The following HORMAD2 variants were observed in gnomAD, a reference collection of about 807,000 sequenced individuals.
HORMAD2 encodes the protein HORMA domain containing 2.
Under a neutral mutation model 38.8 loss-of-function variants are expected in HORMAD2, and 45 were observed. The ratio of observed to expected loss-of-function variants is 1.16; its 90% CI spans 0.91 to 1.49. The LOEUF is 1.49. Among genes scored for constraint, HORMAD2 ranks in the 40% most tolerant of loss-of-function variants. The pLI is 0.00. For missense variants in HORMAD2, 338 were observed against 367.0 expected (o/e 0.92, Z 0.65); for synonymous variants, 126 against 122.8 (o/e 1.03, Z -0.17).
upstream of HORMAD2, among the ~76,000 whole-genome samples, chr22:30,079,144 A>G (rs1301744550): frequency 6.6e-6 from 1 of 152,162 alleles, no homozygotes; most frequent in Non-Finnish European, 1.5e-5. Context: ...TGCAGAAACA[A>G]AATAAGAACA....
chr22:30,133,079 G>A (rs1022669097), intron 10 of HORMAD2, among the ~76,000 whole-genome samples: 1 of 151,998 alleles, frequency 6.6e-6, no homozygotes, highest in South Asian at 2.1e-4. Flanking sequence ...GAAATATTAG[G>A]TTTCATTTAA....
chr22:30,112,431 G>T, intron 6 of HORMAD2, 65 bp from the exon 7 acceptor site: 1 of 760,182 alleles, frequency 1.3e-6, no homozygotes, highest in Non-Finnish European at 2.2e-6. Flanking sequence ...TATAAAAAAG[G>T]TATTTGATGA....
intron 10 of HORMAD2, 104 bp from the exon 11 acceptor site, chr22:30,175,959 T>C: frequency 1.3e-6 from 1 of 742,002 alleles, no homozygotes; most frequent in Non-Finnish European, 2.3e-6. Flanking sequence ...TTGGATCCGT[T>C]ATGCAGCTTG....
At chr22:30,141,871 A>C (rs1924099586) in intron 10 of HORMAD2, among the ~76,000 whole-genome samples, 1 of 152,150 alleles carries the variant, frequency 6.6e-6, no homozygotes, top group South Asian at 2.1e-4. Context: ...CTGAGATTAC[A>C]AGTGTGAGCC....
At chr22:30,093,877 T>G (rs928644101) in intron 1 of HORMAD2, 39 bp from the exon 2 acceptor site, 3 of 1,007,116 alleles carry the variant, frequency 3.0e-6, no homozygotes, top group Non-Finnish European at 4.4e-6. Context: ...AAGCATTATA[T>G]TTGGCAAGGT....
intron 1 of HORMAD2, among the ~76,000 whole-genome samples, chr22:30,088,216 C>CCTATGTAT (rs1247279851): frequency 2.0e-5 from 3 of 146,382 alleles, no homozygotes; most frequent in African/African-American, 7.9e-5. Flanking sequence ...TACATATATA[C>CCTATGTAT]ACATATATAC....
intron 10 of HORMAD2, among the ~76,000 whole-genome samples, chr22:30,144,830 C>T (rs1924313898): frequency 6.6e-6 from 1 of 152,056 alleles, no homozygotes; most frequent in African/African-American, 2.4e-5. Flanking sequence ...CATGAGCCCC[C>T]ACCTCATGGC....
At chr22:30,157,068 A>G (rs1023011198) in intron 10 of HORMAD2, among the ~76,000 whole-genome samples, 1 of 152,194 alleles carries the variant, frequency 6.6e-6, no homozygotes, top group Non-Finnish European at 1.5e-5. Context: ...GAAGCTGTAG[A>G]TGCTGTTGAA....
At chr22:30,108,002 G>A (rs1921332160) in intron 5 of HORMAD2, among the ~76,000 whole-genome samples, 1 of 151,400 alleles carries the variant, frequency 6.6e-6, no homozygotes, top group Non-Finnish European at 1.5e-5. Context: ...CCAAGTAGCT[G>A]GGACTACAGG....
intron 1 of HORMAD2, among the ~76,000 whole-genome samples, chr22:30,086,272 A>G (rs183264016): frequency 2.6e-3 from 400 of 152,270 alleles, no homozygotes; most frequent in African/African-American, 9.0e-3. Context: ...CATAACTGTA[A>G]GTCATTTAAA....
chr22:30,205,881 G>A, the HORMAD2 span, among the ~76,000 whole-genome samples: 1 of 152,046 alleles, frequency 6.6e-6, no homozygotes, highest in Non-Finnish European at 1.5e-5. Flanking sequence ...AATCCTACCC[G>A]AAATCCCAAA....
chr22:30,146,353 T>C (rs997168176), intron 10 of HORMAD2, among the ~76,000 whole-genome samples: 1 of 151,772 alleles, frequency 6.6e-6, no homozygotes, highest in Non-Finnish European at 1.5e-5. Flanking sequence ...AAATTAGCCA[T>C]GCCTGGGGGC....
chr22:30,117,378 A>G (rs143985391), intron 7 of HORMAD2, among the ~76,000 whole-genome samples: 243 of 152,314 alleles, frequency 1.6e-3, no homozygotes, highest in Non-Finnish European at 2.3e-3. Context: ...GACATACTGT[A>G]TGACATATCT....
intron 7 of HORMAD2, among the ~76,000 whole-genome samples, chr22:30,115,149 C>G (rs1206902208): frequency 1.3e-5 from 2 of 151,966 alleles, no homozygotes; most frequent in Admixed American, 6.6e-5. Context: ...TTTTAAGAGA[C>G]AGGCTCTCCC....
chr22:30,123,336 T>C (rs895133616), intron 10 of HORMAD2, among the ~76,000 whole-genome samples: 3 of 152,110 alleles, frequency 2.0e-5, no homozygotes, highest in Admixed American at 6.5e-5. Flanking sequence ...TTTTTTGTTG[T>C]TGTTCTTGTT....
chr22:30,124,841 G>A (rs1922720988), intron 10 of HORMAD2, among the ~76,000 whole-genome samples: 1 of 152,144 alleles, frequency 6.6e-6, no homozygotes, highest in South Asian at 2.1e-4. Flanking sequence ...ATTAGGTAAA[G>A]CAAAACTGTT....
chr22:30,089,647 G>T (rs1479888417), intron 1 of HORMAD2, among the ~76,000 whole-genome samples: 4 of 152,024 alleles, frequency 2.6e-5, no homozygotes, highest in African/African-American at 9.7e-5. Flanking sequence ...CACCATGCCC[G>T]GCTGCTTCTT....
At chr22:30,143,972 C>T (rs1924250237) in intron 10 of HORMAD2, among the ~76,000 whole-genome samples, 1 of 152,164 alleles carries the variant, frequency 6.6e-6, no homozygotes, top group Non-Finnish European at 1.5e-5. Flanking sequence ...TTCCTGAGGC[C>T]CTCACCAGAA....
intron 1 of HORMAD2, among the ~76,000 whole-genome samples, chr22:30,086,792 T>G (rs963716692): frequency 5.9e-5 from 9 of 151,954 alleles, no homozygotes; most frequent in Non-Finnish European, 8.8e-5. Flanking sequence ...GAGATATATA[T>G]ATATATATGT....
Sources: allele counts gnomAD v4.1 joint callset (sites outside exome capture counted in the v4.1 genomes callset), GRCh38; gene constraint gnomAD v4.1.1; transcripts MANE v1.5; gene names NCBI Gene and HGNC (gene_info 2026-07-23, HGNC 2026-07-21).